The following PTPRO variants were observed in gnomAD, a reference collection of about 807,000 sequenced individuals.
PTPRO encodes the protein receptor-type tyrosine-protein phosphatase O.
Under a neutral mutation model 145.2 loss-of-function variants are expected in PTPRO, and 62 were observed. The ratio of observed to expected loss-of-function variants is 0.43; its 90% CI spans 0.35 to 0.53. The LOEUF is 0.53. Ranked by LOEUF, PTPRO falls within the 20% of genes least tolerant of loss-of-function variation. The pLI is 0.01. For missense variants in PTPRO, 1,345 were observed against 1,482.7 expected (o/e 0.91, Z 1.53); for synonymous variants, 565 against 514.7 (o/e 1.10, Z -1.32).
chr12:15,483,442 A>G (rs959348119), intron 1 of PTPRO, among the ~76,000 whole-genome samples: 1 of 152,128 alleles, frequency 6.6e-6, no homozygotes, highest in African/African-American at 2.4e-5. Context: ...GTTAATCTTT[A>G]ATGACAAGGA....
At chr12:15,461,154 A>C (rs531874040) in intron 1 of PTPRO, among the ~76,000 whole-genome samples, 1 of 152,164 alleles carries the variant, frequency 6.6e-6, no homozygotes, top group Non-Finnish European at 1.5e-5. Flanking sequence ...CTCTGCAAAT[A>C]AGAACTTTGG....
At chr12:15,509,922 A>C (rs1942404897) in intron 7 of PTPRO, among the ~76,000 whole-genome samples, 2 of 152,122 alleles carry the variant, frequency 1.3e-5, no homozygotes, top group Admixed American at 1.3e-4. Flanking sequence ...CCTTGCTCTC[A>C]AATGCCCTGA....
chr12:15,497,689 A>G (rs975198916), intron 3 of PTPRO, among the ~76,000 whole-genome samples: 5 of 152,242 alleles, frequency 3.3e-5, no homozygotes, highest in Admixed American at 2.0e-4. Flanking sequence ...GGTGCAGGAA[A>G]TAAATTCAGA....
intron 1 of PTPRO, among the ~76,000 whole-genome samples, chr12:15,417,990 T>C (rs1940029809): frequency 6.6e-6 from 1 of 151,864 alleles, no homozygotes; most frequent in Non-Finnish European, 1.5e-5. Context: ...TTGTCTGTCA[T>C]AATATAGCAA....
intron 7 of PTPRO, among the ~76,000 whole-genome samples, chr12:15,512,398 AGCCACTGC>A (rs1942460924): frequency 6.6e-6 from 1 of 152,152 alleles, no homozygotes. Context: ...TACAGGCGTG[AGCCACTGC>A]GCCCAGCCTG....
intron 15 of PTPRO, among the ~76,000 whole-genome samples, chr12:15,556,936 A>C (rs1591730719): frequency 6.6e-6 from 1 of 152,168 alleles, no homozygotes; most frequent in East Asian, 1.9e-4. Context: ...TTGATTTGCA[A>C]ACTTGCAAAA....
chr12:15,413,677 T>A (rs1939865551), intron 1 of PTPRO, among the ~76,000 whole-genome samples: 1 of 151,984 alleles, frequency 6.6e-6, no homozygotes, highest in South Asian at 2.1e-4. Flanking sequence ...TAGCCAGGCA[T>A]GGTAGCGCAC....
rs957044549 is a variant in PTPRO, at chr12:15,514,273, G to A, written c.1465-1225G>A. Among the ~76,000 whole-genome samples, 13 of 152,058 alleles carry A rather than the reference G, an allele frequency of 8.5e-5. 1 individual carries two copies. The Middle Eastern group carries it at 0.014, about 159-fold the overall frequency. On this transcript the variant is annotated intron_variant, in intron 7 of 26. Transcript: ENST00000281171. Reference sequence around the variant, plus strand: ...CAGAGACCAGCCTGGCCAACATGGCGAAACCTCGTCTCTACTAAAAATACA... The same window carrying A: ...CAGAGACCAGCCTGGCCAACATGGCAAAACCTCGTCTCTACTAAAAATACA...
chr12:15,532,575 GGGGGCACTAGTGCCCCAATTGA>G (rs1256844387), intron 12 of PTPRO, among the ~76,000 whole-genome samples: 1 of 152,166 alleles, frequency 6.6e-6, no homozygotes, highest in Admixed American at 6.5e-5. Context: ...ACACCCTCAA[GGGGGCACTAGTGCCCCAATTGA>G]GGATCAAGGG....
chr12:15,575,071 C>T (rs1304299466), intron 19 of PTPRO, among the ~76,000 whole-genome samples: 1 of 152,180 alleles, frequency 6.6e-6, no homozygotes, highest in African/African-American at 2.4e-5. Flanking sequence ...GTGAGGACTT[C>T]GTGGTAGGAT....
intron 1 of PTPRO, among the ~76,000 whole-genome samples, chr12:15,450,578 T>C (rs1941019384): frequency 6.6e-6 from 1 of 152,110 alleles, no homozygotes; most frequent in Non-Finnish European, 1.5e-5. Flanking sequence ...TTTCAAGACC[T>C]GCTAGGGCAA....
intron 1 of PTPRO, among the ~76,000 whole-genome samples, chr12:15,474,092 A>C (rs775082797): frequency 6.6e-6 from 1 of 152,170 alleles, no homozygotes; most frequent in Non-Finnish European, 1.5e-5. Flanking sequence ...AAATGGAGAT[A>C]ATAACTCTTG....
At chr12:15,386,325 T>A (rs2136280831) in intron 1 of PTPRO, among the ~76,000 whole-genome samples, 1 of 152,248 alleles carries the variant, frequency 6.6e-6, no homozygotes, top group East Asian at 1.9e-4. Flanking sequence ...CCAAAACTGA[T>A]CACTCATATT....
chr12:15,519,799 G>C (rs925957381), intron 9 of PTPRO, among the ~76,000 whole-genome samples: 4 of 152,182 alleles, frequency 2.6e-5, no homozygotes, highest in African/African-American at 9.7e-5. Context: ...CCTCTACCCA[G>C]TTGAAGACTC....
intron 2 of PTPRO, among the ~76,000 whole-genome samples, chr12:15,492,908 T>C (rs1460340525): frequency 2.6e-5 from 4 of 152,098 alleles, no homozygotes; most frequent in Non-Finnish European, 4.4e-5. Context: ...GGAGAGATGA[T>C]TATGAGAATT....
chr12:15,582,642 G>A (rs2041896), intron 23 of PTPRO, among the ~76,000 whole-genome samples: 28,232 of 152,106 alleles, frequency 0.19, 2,799 homozygotes, highest in Middle Eastern at 0.27. Flanking sequence ...GAGTATAATT[G>A]GGGTATATAA....
intron 1 of PTPRO, among the ~76,000 whole-genome samples, chr12:15,352,308 A>G (rs754722480): frequency 5.3e-5 from 8 of 152,192 alleles, no homozygotes; most frequent in Non-Finnish European, 8.8e-5. Context: ...CTATTTTCAA[A>G]TAAGTGAATA....
At chr12:15,576,787 A>G (rs532403318) in intron 19 of PTPRO, among the ~76,000 whole-genome samples, 1 of 152,372 alleles carries the variant, frequency 6.6e-6, no homozygotes, top group Non-Finnish European at 1.5e-5. Flanking sequence ...TAATTAAAGC[A>G]AAGTTTAAAA....
intron 2 of PTPRO, among the ~76,000 whole-genome samples, chr12:15,489,605 C>G (rs1226659600): frequency 2.0e-5 from 3 of 152,108 alleles, no homozygotes; most frequent in African/African-American, 7.2e-5. Context: ...GTATAGTGAG[C>G]CAGTGAGGAC....
Sources: gnomAD v4.1 joint callset for allele counts (sites outside exome capture counted in the v4.1 genomes callset) on GRCh38, gnomAD v4.1.1 for gene constraint, MANE v1.5 for transcripts, NCBI Gene and HGNC (gene_info 2026-07-23, HGNC 2026-07-21) for gene names.